FAM117A: variants seen among roughly 807,000 people sequenced by gnomAD.
The protein encoded by FAM117A is family with sequence similarity 117 member A.
A neutral mutation model predicts 44.1 loss-of-function variants in FAM117A; 21 were observed. That is an observed-to-expected ratio of 0.48 (90% confidence interval 0.34 to 0.69). The LOEUF (loss-of-function observed/expected upper bound fraction) is 0.69. Among genes scored for constraint, FAM117A ranks in the 30% least tolerant of loss-of-function variants. FAM117A has a pLI of 0.01. For synonymous variants in FAM117A, 220 were observed against 238.3 expected, an observed-to-expected ratio of 0.92 and a Z score of 0.71; for missense variants, 498 against 589.9, an observed-to-expected ratio of 0.84 and a Z score of 1.61.
intron 2 of FAM117A, among the ~76,000 whole-genome samples, chr17:49,725,601 C>T (rs983487359): frequency 9.9e-5 from 15 of 152,138 alleles, no homozygotes; most frequent in Admixed American, 5.9e-4. Flanking sequence ...TAAGAGTAAT[C>T]CAGACAGAGG....
At chr17:49,771,057 A>C (rs1334174487) in intron 1 of FAM117A, among the ~76,000 whole-genome samples, 1 of 151,828 alleles carries the variant, frequency 6.6e-6, no homozygotes, top group Non-Finnish European at 1.5e-5. Flanking sequence ...AAAATACAAA[A>C]ATTAGCTGGG....
At position 49,711,390 on chromosome 17, in the gene FAM117A, A is replaced by G. The variant is rs1430774423; in HGVS notation, c.1227T>C (p.Leu409=). The G allele has an allele frequency of 1.2e-6, 2 of 1,612,296 alleles. No homozygotes were observed. The highest frequency in any genetic ancestry group is 2.7e-5 in the African/African-American group (2 of 74,868). Reference sequence around the variant, plus strand: ...GTGGTGGCCTGGGGCTGGCCGGGGGAAGGGGAGATCCCGGGTTTGAGGGGC... The same window carrying G: ...GTGGTGGCCTGGGGCTGGCCGGGGGGAGGGGAGATCCCGGGTTTGAGGGGC... ...RNCPSNPGSP[L]PPASPRPPPR... Residue 409 remains leucine (L), a synonymous_variant, in exon 8 of 8, where the codon CTT becomes CTC. Coordinates refer to ENST00000240364, the MANE Select transcript of FAM117A (RefSeq NM_030802.4).
intron 1 of FAM117A, among the ~76,000 whole-genome samples, chr17:49,737,028 C>A (rs1456120963): frequency 6.6e-6 from 1 of 152,236 alleles, no homozygotes; most frequent in Non-Finnish European, 1.5e-5. Flanking sequence ...ACTGGCTCTA[C>A]TTTTACCAGG....
intron 4 of FAM117A, 78 bp from the exon 5 acceptor site, chr17:49,719,972 G>T: frequency 6.6e-7 from 1 of 1,526,164 alleles, no homozygotes; most frequent in South Asian, 1.2e-5. Flanking sequence ...CAGGGGTAAT[G>T]GTCATGTCCA....
chr17:49,722,017 T>TGAACCC (rs1015202460), intron 3 of FAM117A, among the ~76,000 whole-genome samples: 35 of 152,124 alleles, frequency 2.3e-4, no homozygotes, highest in Non-Finnish European at 4.3e-4. Flanking sequence ...GAGAATCGCT[T>TGAACCC]GAACCCAGGA....
chr17:49,758,637 T>A lies in FAM117A; in HGVS notation c.196+5255A>T, dbSNP rs200429830. ...AGACTGTCTCAAAAAAAAAAAAAAA[T>A]AAAATAAATAAATAAATAAATAAAT... On this transcript the variant is annotated intron_variant, in intron 1 of 7. Transcript: ENST00000240364. 0.018 allele frequency among the ~76,000 whole-genome samples: 1,705 copies of A among 96,750 alleles called. 80 individuals are homozygous for A. In the East Asian group the frequency reaches 0.18, roughly 10 times the overall value. 63.5% of individuals were successfully genotyped at this position (96,750 alleles called of 152,430 possible).
rs561283532 is a variant in FAM117A at position 49,757,971 on chromosome 17, A to G, written c.196+5921T>C. On this transcript the variant is annotated intron_variant, in intron 1 of 7. Coordinates refer to ENST00000240364, the MANE Select transcript of FAM117A (RefSeq NM_030802.4). ...GTCCACTCTCACTAACTCACTCTCTAGTGAGCATCTACCTTTGCTCTGAAC... is the reference window on the plus strand; with the variant it reads ...GTCCACTCTCACTAACTCACTCTCTGGTGAGCATCTACCTTTGCTCTGAAC... 2.0e-5 allele frequency among the ~76,000 whole-genome samples: 3 copies of G among 152,302 alleles called. No individual in the cohort carries two copies. The South Asian group carries it at 6.2e-4, about 32-fold the overall frequency.
At chr17:49,718,193 T>C (rs1293328179) in intron 5 of FAM117A, 1 of 152,936 alleles carries the variant, frequency 6.5e-6, no homozygotes, top group Non-Finnish European at 1.5e-5. Context: ...AAACACTCAA[T>C]GGTACTTGAA....
intron 1 of FAM117A, among the ~76,000 whole-genome samples, chr17:49,769,752 A>G (rs957138489): frequency 5.3e-5 from 8 of 152,094 alleles, no homozygotes; most frequent in Admixed American, 1.3e-4. Flanking sequence ...ACTCTAGAAT[A>G]TTGGACTTAA....
intron 1 of FAM117A, among the ~76,000 whole-genome samples, chr17:49,784,536 A>G (rs1008099289): frequency 9.2e-5 from 14 of 151,910 alleles, no homozygotes; most frequent in African/African-American, 3.1e-4. Flanking sequence ...CCTCTTATGT[A>G]CCCTCCCCGG....
At chr17:49,774,943 T>C (rs2073771716) in intron 1 of FAM117A, among the ~76,000 whole-genome samples, 1 of 152,190 alleles carries the variant, frequency 6.6e-6, no homozygotes, top group Non-Finnish European at 1.5e-5. Flanking sequence ...AAGGGGTCTG[T>C]GCGAGTAATG....
At chr17:49,741,617 G>GTT (rs2073634935) in intron 1 of FAM117A, among the ~76,000 whole-genome samples, 1 of 152,114 alleles carries the variant, frequency 6.6e-6, no homozygotes, top group African/African-American at 2.4e-5. Context: ...GTCCTGTCCT[G>GTT]TCCTAGTTGT....
chr17:49,757,201 C>G (rs1361842783), intron 1 of FAM117A, among the ~76,000 whole-genome samples: 2 of 152,014 alleles, frequency 1.3e-5, no homozygotes, highest in African/African-American at 4.8e-5. Flanking sequence ...TCCACCCCCC[C>G]AGCAACTCTC....
intron 1 of FAM117A, among the ~76,000 whole-genome samples, chr17:49,776,854 G>A (rs1431960010): frequency 6.6e-6 from 1 of 152,162 alleles, no homozygotes; most frequent in Non-Finnish European, 1.5e-5. Context: ...GAGGCCCTAG[G>A]GGAGACTTGA....
At chr17:49,746,387 A>G (rs1204041718) in intron 1 of FAM117A, among the ~76,000 whole-genome samples, 1 of 152,242 alleles carries the variant, frequency 6.6e-6, no homozygotes, top group Non-Finnish European at 1.5e-5. Context: ...GCATTTCAAC[A>G]TTGGCAGGTT....
upstream of FAM117A, chr17:49,765,663 T>C (rs948505661): frequency 6.6e-6 from 1 of 152,242 alleles, no homozygotes; most frequent in African/African-American, 2.4e-5. Context: ...GTTTTTTTAA[T>C]TGATTGAAGA....
rs546865738 is a variant in FAM117A, at chr17:49,717,853, G to A, written c.709-139C>T. The A allele has an allele frequency of 7.5e-6, 5 of 669,558 alleles. No individual in the cohort carries two copies. The Admixed American group carries it at 1.0e-4, about 14-fold the overall frequency. The allele number at this position is 669,558 out of a possible 1,614,324, so 41.5% of individuals were successfully genotyped here. On this transcript the variant is annotated intron_variant, in intron 5 of 7. Coordinates refer to ENST00000240364, the MANE Select transcript of FAM117A (RefSeq NM_030802.4). Reference sequence around the variant, plus strand: ...ACCACAGAACACCATTTCCTCCAGCGATTTATTTCCCTGGCCACCCTTCAA... The same window carrying A: ...ACCACAGAACACCATTTCCTCCAGCAATTTATTTCCCTGGCCACCCTTCAA...
intron 1 of FAM117A, among the ~76,000 whole-genome samples, chr17:49,738,692 T>G (rs1448222150): frequency 2.0e-5 from 3 of 152,296 alleles, no homozygotes; most frequent in Non-Finnish European, 4.4e-5. Context: ...TCAGAACCCT[T>G]AGCAAGGTCC....
upstream of FAM117A, among the ~76,000 whole-genome samples, chr17:49,767,257 G>C (rs983300462): frequency 1.3e-5 from 2 of 152,192 alleles, no homozygotes; most frequent in Non-Finnish European, 2.9e-5. Context: ...CTTTGGGGAG[G>C]CTGTGCACTG....
Sources: allele counts gnomAD v4.1 joint callset (sites outside exome capture counted in the v4.1 genomes callset), GRCh38; gene constraint gnomAD v4.1.1; transcripts MANE v1.5; gene names NCBI Gene and HGNC (gene_info 2026-07-23, HGNC 2026-07-21).